The following MAST2 variants were observed in gnomAD, a reference collection of about 807,000 sequenced individuals.
MAST2 encodes the protein microtubule-associated serine/threonine-protein kinase 2.
A neutral mutation model predicts 147.4 loss-of-function variants in MAST2; 70 were observed. The observed-to-expected ratio is 0.47, with a 90% CI of 0.39 to 0.58. The LOEUF is 0.58. Among genes scored for constraint, MAST2 ranks in the 20% least tolerant of loss-of-function variants. MAST2 has a pLI of 0.00. For synonymous variants in MAST2, 869 were observed against 896.8 expected, an observed-to-expected ratio of 0.97 and a Z score of 0.55; for missense variants, 2,080 against 2,302.3, an observed-to-expected ratio of 0.90 and a Z score of 1.98.
intron 4 of MAST2, among the ~76,000 whole-genome samples, chr1:45,907,750 C>G (rs912688951): frequency 6.6e-6 from 1 of 152,140 alleles, no homozygotes; most frequent in Admixed American, 6.6e-5. Context: ...CCTTGGCAGT[C>G]TCTGTTCTAC....
Position 46,028,773 on chromosome 1 carries a change from C to T in MAST2, c.2058C>T (p.Cys686=), listed in dbSNP as rs372751187. 47 of 1,613,906 alleles carry T rather than the reference C, an allele frequency of 2.9e-5. No homozygotes were observed. The highest frequency in any genetic ancestry group is 1.8e-4 in the East Asian group (8 of 44,884). Residue 686 remains cysteine (C), a synonymous_variant, in exon 18 of 29, where the codon TGC becomes TGT. Transcript: ENST00000361297. Reference sequence around the variant, plus strand: ...CCTGGCTTTTCTGTGCCCAGGTATGCGGGACCCCAGAATACATTGCGCCTG... The same window carrying T: ...CCTGGCTTTTCTGTGCCCAGGTATGTGGGACCCCAGAATACATTGCGCCTG... ...DAREFLDKQV[C]GTPEYIAPEV...
intron 4 of MAST2, among the ~76,000 whole-genome samples, chr1:45,917,019 A>G (rs1428848028): frequency 1.3e-5 from 2 of 152,240 alleles, no homozygotes; most frequent in Non-Finnish European, 2.9e-5. Context: ...CAGAGGTTGC[A>G]GTGAGCCAAG....
At chr1:45,970,336 C>G (rs1372465813) in intron 5 of MAST2, among the ~76,000 whole-genome samples, 2 of 152,054 alleles carry the variant, frequency 1.3e-5, no homozygotes, top group Non-Finnish European at 2.9e-5. Flanking sequence ...GTCTTCCTGC[C>G]CTGGCACTGG....
At chr1:45,890,595 T>A (rs1374391087) in intron 4 of MAST2, among the ~76,000 whole-genome samples, 1 of 152,232 alleles carries the variant, frequency 6.6e-6, no homozygotes, top group Non-Finnish European at 1.5e-5. Context: ...ATGACCTCAT[T>A]TAACCTTAAT....
chr1:45,812,393 A>G (rs375112745), intron 1 of MAST2, among the ~76,000 whole-genome samples: 1 of 141,286 alleles, frequency 7.1e-6, no homozygotes, highest in Non-Finnish European at 1.5e-5. Context: ...ATTGTTCTGG[A>G]TGTCTCTTGG....
At chr1:45,901,514 A>G (rs1465339940) in intron 4 of MAST2, among the ~76,000 whole-genome samples, 2 of 152,148 alleles carry the variant, frequency 1.3e-5, no homozygotes, top group Non-Finnish European at 2.9e-5. Flanking sequence ...GAATTTTGGA[A>G]TGGTTTTTTC....
intron 3 of MAST2, among the ~76,000 whole-genome samples, chr1:45,836,286 A>G (rs1645099017): frequency 6.6e-6 from 1 of 152,152 alleles, no homozygotes; most frequent in South Asian, 2.1e-4. Context: ...TAGCCATCAT[A>G]GTGGGTGTCA....
intron 4 of MAST2, among the ~76,000 whole-genome samples, chr1:45,957,183 G>A (rs1004744691): frequency 3.9e-5 from 6 of 152,028 alleles, no homozygotes; most frequent in African/African-American, 1.4e-4. Context: ...TTTTTTGTCT[G>A]GCATCTTGCT....
intron 1 of MAST2, among the ~76,000 whole-genome samples, chr1:45,809,121 AATTG>A (rs1213999935): frequency 6.6e-6 from 1 of 152,202 alleles, no homozygotes. Context: ...TCAATGTCCT[AATTG>A]ATTGTAAGTC....
intron 4 of MAST2, among the ~76,000 whole-genome samples, chr1:45,904,524 T>G (rs867092583): frequency 3.3e-5 from 5 of 151,022 alleles, no homozygotes; most frequent in Non-Finnish European, 7.4e-5. Context: ...CTGGGGTGCA[T>G]TCGCGCAATC....
chr1:46,032,404 G>A lies in MAST2; in HGVS notation c.3414G>A (p.Trp1138Ter), dbSNP rs1403728611. 2 of 1,614,008 alleles carry A rather than the reference G, an allele frequency of 1.2e-6. No homozygotes were observed. Among genetic ancestry groups the A allele is most frequent in the Non-Finnish European group, 1.7e-6 (2 of 1,179,970 alleles). ...TCTACACCGTGCACCATATGGTGTGGGTATGTCTGACCATCCAGACCTGCT... is the reference window on the plus strand; with the variant it reads ...TCTACACCGTGCACCATATGGTGTGAGTATGTCTGACCATCCAGACCTGCT... Reference protein sequence around the residue: ...SDVYTVHHMVWHVEDGGPASE... With the variant: ...SDVYTVHHMV The change falls in exon 25 of 29, where the codon TGG becomes TGA. Residue 1138 changes from tryptophan (W) to a stop codon, truncating the protein, a stop_gained and splice_region_variant. Coordinates refer to ENST00000361297, the MANE Select transcript of MAST2 (RefSeq NM_015112.3). LOFTEE classifies it high-confidence loss of function.
At chr1:45,836,760 G>A (rs766432301) in intron 3 of MAST2, among the ~76,000 whole-genome samples, 1 of 152,176 alleles carries the variant, frequency 6.6e-6, no homozygotes, top group Non-Finnish European at 1.5e-5. Flanking sequence ...TTTGGCAGAT[G>A]TATACAGTTG....
chr1:45,925,624 T>C (rs975265568), intron 4 of MAST2, among the ~76,000 whole-genome samples: 1 of 152,190 alleles, frequency 6.6e-6, no homozygotes, highest in African/African-American at 2.4e-5. Context: ...GAACACAGAA[T>C]GACTTAGGTT....
At chr1:45,964,606 T>C (rs1272277391) in intron 5 of MAST2, among the ~76,000 whole-genome samples, 2 of 152,200 alleles carry the variant, frequency 1.3e-5, no homozygotes, top group Non-Finnish European at 2.9e-5. Context: ...TTCTTCTCTC[T>C]TTTCTTCTTT....
intron 3 of MAST2, among the ~76,000 whole-genome samples, chr1:45,859,697 A>G (rs1645913072): frequency 6.6e-6 from 1 of 152,216 alleles, no homozygotes; most frequent in Non-Finnish European, 1.5e-5. Flanking sequence ...TCACTTACTG[A>G]TAAATAAAAG....
chr1:45,886,439 C>T (rs1286370620), intron 4 of MAST2, among the ~76,000 whole-genome samples: 1 of 151,766 alleles, frequency 6.6e-6, no homozygotes, highest in African/African-American at 2.4e-5. Context: ...ACGATAAGGG[C>T]TTTATTGGGG....
intron 4 of MAST2, among the ~76,000 whole-genome samples, chr1:45,936,251 T>C (rs1180451027): frequency 6.6e-6 from 1 of 152,218 alleles, no homozygotes; most frequent in African/African-American, 2.4e-5. Context: ...TTTTGTATCC[T>C]GAAACTTTGC....
In MAST2 at chr1:45,829,368, T is replaced by C; in HGVS notation, c.326-71T>C. ...TATGGTTTTATCCACTTGATATCAC[T>C]GTATTTGTATTTTTTCATTTGTTTA... On this transcript the variant is annotated intron_variant, in intron 2 of 28. Coordinates refer to ENST00000361297, the MANE Select transcript of MAST2 (RefSeq NM_015112.3). The C allele has an allele frequency of 2.9e-6, 4 of 1,371,110 alleles. No individual in the cohort carries two copies. In the Admixed American group the frequency reaches 7.7e-5, roughly 26 times the overall value. The allele number at this position is 1,371,110 out of a possible 1,614,324, so 84.9% of individuals were successfully genotyped here.
chr1:46,006,291 A>T lies in MAST2; in HGVS notation c.798A>T (p.Thr266=), dbSNP rs773075974. ...EKLHQLPFQP[T]ADELHFLTKH... is the part of the protein sequence containing the mutation. The stretch of plus-strand genomic sequence containing the variant: ...TGCATCAGTTGCCTTTCCAGCCTAC[A>T]GCTGATGAGCTGCACTTTTTGACGA... The change falls in exon 8 of 29, where the codon ACA becomes ACT. Residue 266 remains threonine, a synonymous_variant. Transcript: ENST00000361297. 2 of 1,613,870 alleles carry T rather than the reference A, an allele frequency of 1.2e-6. No individual in the cohort carries two copies. The highest frequency in any genetic ancestry group is 1.7e-6 in the Non-Finnish European group (2 of 1,179,832).
Sources: allele counts gnomAD v4.1 joint callset (sites outside exome capture counted in the v4.1 genomes callset), GRCh38; gene constraint gnomAD v4.1.1; transcripts MANE v1.5; gene names NCBI Gene and HGNC (gene_info 2026-07-23, HGNC 2026-07-21).